The following SMYD3 variants were observed in gnomAD, a reference collection of about 807,000 sequenced individuals.
SMYD3 encodes histone-lysine N-methyltransferase SMYD3.
A neutral mutation model predicts 57.7 loss-of-function variants in SMYD3; 36 were observed. The ratio of observed to expected loss-of-function variants is 0.62; its 90% CI spans 0.48 to 0.82. SMYD3 has a LOEUF of 0.82. Among genes scored for constraint, SMYD3 ranks in the 40% least tolerant of loss-of-function variants. SMYD3 has a pLI of 0.00. For missense variants in SMYD3, 515 were observed against 538.8 expected (o/e 0.96, Z 0.44); for synonymous variants, 211 against 195.0 (o/e 1.08, Z -0.68).
At chr1:246,049,749 C>T (rs2060035659) in intron 5 of SMYD3, among the ~76,000 whole-genome samples, 1 of 152,082 alleles carries the variant, frequency 6.6e-6, no homozygotes, top group Non-Finnish European at 1.5e-5. Context: ...AATATAAAAA[C>T]ACATTGTAAA....
At chr1:246,179,700 C>T (rs2148279649) in intron 5 of SMYD3, among the ~76,000 whole-genome samples, 1 of 152,266 alleles carries the variant, frequency 6.6e-6, no homozygotes, top group Admixed American at 6.5e-5. Context: ...TTCTCAAAAC[C>T]CATCTTAACC....
rs528438702 is a variant in SMYD3 at position 245,949,855 on chromosome 1, A to C, written c.532-19918T>G. Among the ~76,000 whole-genome samples the C allele has an allele frequency of 7.2e-4, 97 of 134,822 alleles. 1 individual carries two copies. The highest frequency in any genetic ancestry group is 2.4e-3 in the African/African-American group (92 of 37,582). 88.4% of individuals were successfully genotyped at this position (134,822 alleles called of 152,430 possible). On this transcript the variant is annotated intron_variant, in intron 5 of 11. Coordinates refer to ENST00000490107, the MANE Select transcript of SMYD3 (RefSeq NM_001167740.2). ...CCCCACCCCCACCCAACCAACCAAGAAACAACAAATTAAAAAACACAGTGC... is the reference window on the plus strand; with the variant it reads ...CCCCACCCCCACCCAACCAACCAAGCAACAACAAATTAAAAAACACAGTGC...
At chr1:245,809,981 C>G (rs2048370051) in intron 10 of SMYD3, among the ~76,000 whole-genome samples, 2 of 152,202 alleles carry the variant, frequency 1.3e-5, no homozygotes, top group African/African-American at 4.8e-5. Context: ...ACCCAATTTA[C>G]CACTGGAGCC....
chr1:246,295,486 A>C (rs1009004150), intron 5 of SMYD3, among the ~76,000 whole-genome samples: 8 of 152,210 alleles, frequency 5.3e-5, no homozygotes, highest in Non-Finnish European at 1.0e-4. Context: ...CCAATTTCAT[A>C]AGTTTTGATT....
chr1:246,034,039 T>A (rs2059726112), intron 5 of SMYD3, among the ~76,000 whole-genome samples: 1 of 152,152 alleles, frequency 6.6e-6, no homozygotes, highest in South Asian at 2.1e-4. Flanking sequence ...ATATATAGAA[T>A]TGAGCAATAA....
chr1:245,881,405 G>A (rs2052770639), intron 8 of SMYD3, among the ~76,000 whole-genome samples: 1 of 152,214 alleles, frequency 6.6e-6, no homozygotes, highest in Middle Eastern at 3.2e-3. Flanking sequence ...GAGGAAGAGA[G>A]GGCAAGAATA....
Position 245,954,373 on chromosome 1 carries a change from C to T in SMYD3, c.532-24436G>A, listed in dbSNP as rs569523343. Among the ~76,000 whole-genome samples, 16 of 152,170 alleles carry T rather than the reference C, an allele frequency of 1.1e-4. No individual in the cohort carries two copies. In the East Asian group the frequency reaches 1.7e-3, roughly 17 times the overall value. On this transcript the variant is annotated intron_variant, in intron 5 of 11. Transcript: ENST00000490107. Reference sequence around the variant, plus strand: ...AAAGAAAAACAGGAAGAAAAGGGGACGATAAAGAAAGTGGTAGGCCAGGTG... The same window carrying T: ...AAAGAAAAACAGGAAGAAAAGGGGATGATAAAGAAAGTGGTAGGCCAGGTG...
chr1:246,228,838 T>C (rs1558331450), intron 5 of SMYD3, among the ~76,000 whole-genome samples: 1 of 152,148 alleles, frequency 6.6e-6, no homozygotes. Flanking sequence ...AGTATGTATA[T>C]TATTTTTAGA....
At chr1:245,985,294 C>T (rs1278209147) in intron 5 of SMYD3, among the ~76,000 whole-genome samples, 1 of 152,152 alleles carries the variant, frequency 6.6e-6, no homozygotes, top group African/African-American at 2.4e-5. Context: ...ATCCTAATGG[C>T]TCTCAAATCT....
Position 246,146,978 on chromosome 1 carries a change from T to C in SMYD3, c.531+180223A>G, listed in dbSNP as rs942178347. ...GAGTTAGAGACAGGCCGTTTTCTTGTTAATCGGCAGGCAGGCGTGACAGTG... is the reference window on the plus strand; with the variant it reads ...GAGTTAGAGACAGGCCGTTTTCTTGCTAATCGGCAGGCAGGCGTGACAGTG... On this transcript the variant is annotated intron_variant, in intron 5 of 11. Transcript: ENST00000490107. 1.2e-4 allele frequency among the ~76,000 whole-genome samples: 18 copies of C among 152,278 alleles called. No homozygotes were observed. The South Asian group carries it at 1.9e-3, about 16-fold the overall frequency.
intron 5 of SMYD3, among the ~76,000 whole-genome samples, chr1:246,245,131 TTTTTTTTTTTAG>T (rs1390183817): frequency 6.6e-6 from 1 of 151,454 alleles, no homozygotes; most frequent in East Asian, 1.9e-4. Flanking sequence ...TTTTTTTTTT[TTTTTTTTTTTAG>T]TTTTATTTCC....
chr1:246,106,423 C>A (rs527314601), intron 5 of SMYD3, among the ~76,000 whole-genome samples: 1 of 152,316 alleles, frequency 6.6e-6, no homozygotes, highest in African/African-American at 2.4e-5. Flanking sequence ...TCTGAACTTA[C>A]CCATTTCTCA....
intron 1 of SMYD3, among the ~76,000 whole-genome samples, chr1:246,421,661 A>ATT (rs2067144707): frequency 3.9e-5 from 6 of 152,266 alleles, no homozygotes; most frequent in Non-Finnish European, 7.3e-5. Context: ...AATAATACAA[A>ATT]GCAATTAAAA....
intron 5 of SMYD3, among the ~76,000 whole-genome samples, chr1:246,007,811 T>C (rs1306921800): frequency 7.1e-6 from 1 of 140,780 alleles, no homozygotes; most frequent in Non-Finnish European, 1.5e-5. Context: ...AGCCAGACCC[T>C]GACCAAAAAA....
intron 5 of SMYD3, among the ~76,000 whole-genome samples, chr1:246,105,705 CA>C (rs1392327682): frequency 6.6e-6 from 1 of 152,118 alleles, no homozygotes; most frequent in East Asian, 1.9e-4. Flanking sequence ...ATGTTTATTC[CA>C]ATGTTAGAGG....
chr1:246,404,119 C>G lies in SMYD3; in HGVS notation c.165-49025G>C, dbSNP rs184663482. 6.2e-4 allele frequency among the ~76,000 whole-genome samples: 94 copies of G among 152,294 alleles called. No homozygotes were observed. The East Asian group carries it at 0.018, about 29-fold the overall frequency. ...ATTGACCTATCTTAAATTCGAATCACAATGATAGCTGTAAGTGGAAATTTT... is the reference window on the plus strand; with the variant it reads ...ATTGACCTATCTTAAATTCGAATCAGAATGATAGCTGTAAGTGGAAATTTT... On this transcript the variant is annotated intron_variant, in intron 1 of 11. Transcript: ENST00000490107.
intron 5 of SMYD3, chr1:245,956,152 A>C (rs2057834323): frequency 3.1e-5 from 23 of 742,314 alleles, no homozygotes; most frequent in Non-Finnish European, 3.8e-5. Flanking sequence ...TCCTGGGATC[A>C]AGCAATCCTC....
intron 5 of SMYD3, among the ~76,000 whole-genome samples, chr1:246,275,733 T>C (rs75092053): frequency 4.6e-5 from 7 of 151,316 alleles, no homozygotes; most frequent in East Asian, 1.9e-4. Context: ...TTATTTAATG[T>C]CTCTAGTGGA....
chr1:246,318,170 C>G (rs1424863055), intron 5 of SMYD3, among the ~76,000 whole-genome samples: 2 of 152,082 alleles, frequency 1.3e-5, no homozygotes, highest in African/African-American at 4.8e-5. Context: ...ATCACTTGAG[C>G]CCAGGACTTC....
Sources: allele counts gnomAD v4.1 joint callset (sites outside exome capture counted in the v4.1 genomes callset), GRCh38; gene constraint gnomAD v4.1.1; transcripts MANE v1.5; gene names NCBI Gene and HGNC (gene_info 2026-07-23, HGNC 2026-07-21).